Variants in MED13L observed in about 807,000 individuals in gnomAD.
MED13L encodes mediator of RNA polymerase II transcription subunit 13-like.
MED13L carries 7 observed loss-of-function variants against 220.9 expected under a neutral mutation model. The observed-to-expected ratio is 0.03, with a 90% CI of 0.02 to 0.06. MED13L has a LOEUF of 0.06. Ranked by LOEUF, MED13L falls within the 10% of genes least tolerant of loss-of-function variation. The pLI is 1.00. For missense variants in MED13L, 1,965 were observed against 2,760.5 expected (o/e 0.71, Z 6.46); for synonymous variants, 1,011 against 1,015.2 (o/e 1.00, Z 0.08).
At chr12:115,973,060 C>T (rs1340397375) in intron 25 of MED13L, among the ~76,000 whole-genome samples, 1 of 152,162 alleles carries the variant, frequency 6.6e-6, no homozygotes, top group African/African-American at 2.4e-5. Flanking sequence ...GCTGCCATTT[C>T]TCCCCTTAAA....
intron 30 of MED13L, among the ~76,000 whole-genome samples, chr12:115,962,219 A>C (rs61936938): frequency 0.13 from 19,404 of 152,174 alleles, 1,562 homozygotes; most frequent in South Asian, 0.18. Flanking sequence ...TTTTGGCACC[A>C]GGGACCAGTT....
chr12:116,043,252 G>GA (rs565482305), intron 4 of MED13L, among the ~76,000 whole-genome samples: 2 of 151,436 alleles, frequency 1.3e-5, no homozygotes, highest in African/African-American at 4.9e-5. Flanking sequence ...AAGCAATACA[G>GA]AAAAAAAAGG....
At chr12:116,169,046 T>C (rs1043882410) in intron 2 of MED13L, 6 of 152,302 alleles carry the variant, frequency 3.9e-5, no homozygotes, top group Non-Finnish European at 8.8e-5. Context: ...GTAGACATTA[T>C]GAGCAAAGCT....
chr12:116,140,249 T>C (rs1876949108), intron 2 of MED13L, among the ~76,000 whole-genome samples: 2 of 152,218 alleles, frequency 1.3e-5, no homozygotes, highest in Admixed American at 6.5e-5. Flanking sequence ...GATTATTGTC[T>C]ACCTCCTCAT....
intron 2 of MED13L, among the ~76,000 whole-genome samples, chr12:116,173,315 T>C (rs1879816781): frequency 6.6e-6 from 1 of 152,122 alleles, no homozygotes; most frequent in Non-Finnish European, 1.5e-5. Flanking sequence ...GCACTGTAGG[T>C]TTTCTTCAAA....
chr12:116,149,075 A>T (rs571173411), intron 2 of MED13L, among the ~76,000 whole-genome samples: 5 of 152,330 alleles, frequency 3.3e-5, no homozygotes, highest in Admixed American at 6.5e-5. Flanking sequence ...TCCGGTATTC[A>T]TACCTTTGCT....
At chr12:116,151,240 A>G (rs986806390) in intron 2 of MED13L, among the ~76,000 whole-genome samples, 1 of 152,310 alleles carries the variant, frequency 6.6e-6, no homozygotes, top group East Asian at 1.9e-4. Flanking sequence ...ATAAATGTGT[A>G]TAAGAGGTCT....
chr12:116,030,569 C>T (rs1286899479), intron 4 of MED13L, among the ~76,000 whole-genome samples: 1 of 151,870 alleles, frequency 6.6e-6, no homozygotes, highest in Non-Finnish European at 1.5e-5. Context: ...TAGGAAAAAG[C>T]AACAGAAAGG....
At chr12:116,145,669 AT>A (rs1481152010) in intron 2 of MED13L, among the ~76,000 whole-genome samples, 2 of 112,396 alleles carry the variant, frequency 1.8e-5, no homozygotes, top group African/African-American at 9.8e-5. Flanking sequence ...CTATTTATTT[AT>A]TTATTTATTT....
At chr12:116,181,971 T>C (rs1252544696) in intron 2 of MED13L, among the ~76,000 whole-genome samples, 1 of 152,216 alleles carries the variant, frequency 6.6e-6, no homozygotes, top group Non-Finnish European at 1.5e-5. Flanking sequence ...CTTCCAATGC[T>C]GAGACCTAAA....
intron 2 of MED13L, among the ~76,000 whole-genome samples, chr12:116,147,092 C>G (rs1877590815): frequency 6.6e-6 from 1 of 152,070 alleles, no homozygotes; most frequent in Non-Finnish European, 1.5e-5. Context: ...GAAGATAACA[C>G]ATATCCATTT....
intron 4 of MED13L, among the ~76,000 whole-genome samples, chr12:116,043,875 G>A (rs1881679124): frequency 6.6e-6 from 1 of 152,194 alleles, no homozygotes; most frequent in African/African-American, 2.4e-5. Context: ...TTGGCACTTT[G>A]CCACAAAGCT....
intron 4 of MED13L, among the ~76,000 whole-genome samples, chr12:116,026,754 C>T (rs1460531885): frequency 6.6e-6 from 1 of 152,104 alleles, no homozygotes; most frequent in East Asian, 1.9e-4. Flanking sequence ...AGTTGAATCC[C>T]CCTGTGACCT....
chr12:116,064,667 A>G (rs1193352383), intron 4 of MED13L, among the ~76,000 whole-genome samples: 1 of 152,188 alleles, frequency 6.6e-6, no homozygotes, highest in South Asian at 2.1e-4. Flanking sequence ...GTGAAGGCAA[A>G]CAAGGAAGAC....
At chr12:115,988,967 C>G (rs1056795868) in intron 17 of MED13L, among the ~76,000 whole-genome samples, 4 of 152,166 alleles carry the variant, frequency 2.6e-5, no homozygotes, top group African/African-American at 4.8e-5. Context: ...GTATAAGGCA[C>G]TGTGCTTGAA....
At chr12:116,055,227 G>C (rs1421771969) in intron 4 of MED13L, among the ~76,000 whole-genome samples, 1 of 152,148 alleles carries the variant, frequency 6.6e-6, no homozygotes, top group Non-Finnish European at 1.5e-5. Context: ...TGATCTGAAT[G>C]CTAGAAATAA....
chr12:116,240,812 C>A (rs1165138539), intron 1 of MED13L, among the ~76,000 whole-genome samples: 6 of 151,662 alleles, frequency 4.0e-5, no homozygotes, highest in African/African-American at 1.5e-4. Flanking sequence ...CAGGCGCGAG[C>A]CACCACGCCC....
chr12:116,119,680 C>T (rs1874829271), intron 2 of MED13L, among the ~76,000 whole-genome samples: 1 of 151,202 alleles, frequency 6.6e-6, no homozygotes, highest in African/African-American at 2.4e-5. Context: ...TGGCACGGGC[C>T]TGCAGTCCTA....
At chr12:116,040,423 T>C (rs1181407600) in intron 4 of MED13L, among the ~76,000 whole-genome samples, 3 of 152,200 alleles carry the variant, frequency 2.0e-5, no homozygotes, top group Admixed American at 1.3e-4. Flanking sequence ...ACAACCTGAA[T>C]AGTAACTAAC....
Sources: allele counts gnomAD v4.1 joint callset (sites outside exome capture counted in the v4.1 genomes callset), GRCh38; gene constraint gnomAD v4.1.1; transcripts MANE v1.5; gene names NCBI Gene and HGNC (gene_info 2026-07-23, HGNC 2026-07-21).